WDFY2: variants seen among roughly 807,000 people sequenced by gnomAD.
WDFY2 encodes the protein WD repeat and FYVE domain containing 2, also known as WD repeat and FYVE domain-containing protein 2.
Under a neutral mutation model 56.4 loss-of-function variants are expected in WDFY2, and 36 were observed. That is an observed-to-expected ratio of 0.64 (90% CI 0.49 to 0.84). The LOEUF is 0.84. Ranked by LOEUF, WDFY2 falls within the 40% of genes least tolerant of loss-of-function variation. WDFY2 has a pLI of 0.00. For synonymous variants in WDFY2, 176 were observed against 183.7 expected, an observed-to-expected ratio of 0.96 and a Z score of 0.34; for missense variants, 444 against 512.2, an observed-to-expected ratio of 0.87 and a Z score of 1.29.
In WDFY2 at chr13:51,750,234, T is replaced by A. The variant is rs561968479; in HGVS notation, c.726-1076T>A. Reference sequence around the variant, plus strand: ...TGTGATTTTAGGAGGATTCAACTTATAAAAGCACTTGTTTATCAAACAATC... The same window carrying A: ...TGTGATTTTAGGAGGATTCAACTTAAAAAAGCACTTGTTTATCAAACAATC... On this transcript the variant is annotated intron_variant, in intron 7 of 11. Transcript: ENST00000298125. Among the ~76,000 whole-genome samples the A allele has an allele frequency of 1.1e-3, 175 of 152,340 alleles. 1 individual carries two copies. The highest frequency in any genetic ancestry group is 1.8e-3 in the Non-Finnish European group (120 of 68,022).
intron 10 of WDFY2, among the ~76,000 whole-genome samples, chr13:51,757,218 T>G (rs983671812): frequency 1.3e-5 from 2 of 152,208 alleles, no homozygotes; most frequent in Non-Finnish European, 2.9e-5. Flanking sequence ...AGTATGCATT[T>G]ATGTTCATTG....
At chr13:51,746,246 C>G (rs1953101767) in intron 7 of WDFY2, among the ~76,000 whole-genome samples, 1 of 152,154 alleles carries the variant, frequency 6.6e-6, no homozygotes, top group Non-Finnish European at 1.5e-5. Context: ...CACTGCTGAA[C>G]TGGACTTTTC....
chr13:51,599,907 AC>A (rs1056232905), intron 1 of WDFY2, among the ~76,000 whole-genome samples: 43 of 151,928 alleles, frequency 2.8e-4, no homozygotes, highest in Middle Eastern at 3.4e-3. Flanking sequence ...AAAAAAAAAA[AC>A]AAAACAAAAA....
chr13:51,755,754 A>T (rs757381686), intron 9 of WDFY2, among the ~76,000 whole-genome samples: 4 of 152,170 alleles, frequency 2.6e-5, no homozygotes, highest in Non-Finnish European at 5.9e-5. Flanking sequence ...TCGTATGGAA[A>T]CCAGACCATG....
intron 3 of WDFY2, among the ~76,000 whole-genome samples, chr13:51,679,121 T>A (rs1299444349): frequency 3.3e-5 from 5 of 152,154 alleles, no homozygotes; most frequent in Non-Finnish European, 7.4e-5. Context: ...GTAAGCATTA[T>A]GTAACGTAAA....
chr13:51,623,976 G>A (rs1044311426), intron 1 of WDFY2, among the ~76,000 whole-genome samples: 2 of 152,072 alleles, frequency 1.3e-5, no homozygotes, highest in Non-Finnish European at 2.9e-5. Context: ...AACTAGCCGT[G>A]TTCCCAGTTT....
In WDFY2 at chr13:51,584,592, GTC is replaced by G. The variant is rs1057434381; in HGVS notation, c.-92_-91del. ...CGGCGTTCCGCTCCGGCCAGCCAGA[GTC>G]TCTGTCTCAACCTGTGTCCGTGCTC... On this transcript the variant is annotated 5_prime_UTR_variant, in exon 1 of 12. Coordinates refer to ENST00000298125, the MANE Select transcript of WDFY2 (RefSeq NM_052950.4). 2.7e-5 allele frequency: 39 copies of G among 1,449,600 alleles called. No individual in the cohort carries two copies. The highest frequency in any genetic ancestry group is 2.5e-4 in the Middle Eastern group (1 of 3,976). The allele number at this position is 1,449,600 out of a possible 1,614,324, so 89.8% of individuals were successfully genotyped here.
chr13:51,756,172 A>G (rs769284119), intron 9 of WDFY2, among the ~76,000 whole-genome samples, 160 bp from the exon 10 acceptor site: 1 of 152,188 alleles, frequency 6.6e-6, no homozygotes, highest in Non-Finnish European at 1.5e-5. Flanking sequence ...GCCCCAGAGA[A>G]GAACACATCC....
chr13:51,746,509 A>G (rs1025740067), intron 7 of WDFY2, among the ~76,000 whole-genome samples: 2 of 152,210 alleles, frequency 1.3e-5, no homozygotes, highest in South Asian at 2.1e-4. Context: ...ATCTGATTCA[A>G]TGAGCATCAT....
intron 1 of WDFY2, among the ~76,000 whole-genome samples, chr13:51,603,259 A>G (rs1954321330): frequency 6.6e-6 from 1 of 152,168 alleles, no homozygotes; most frequent in Admixed American, 6.5e-5. Context: ...GAGCCCAACC[A>G]CTGCATGTTT....
Position 51,727,666 on chromosome 13 carries a change from C to T in WDFY2, c.486-12C>T. 6.2e-7 allele frequency: 1 copy of T among 1,609,014 alleles called. No individual in the cohort carries two copies. Among genetic ancestry groups the T allele is most frequent in the Non-Finnish European group, 8.5e-7 (1 of 1,177,450 alleles). ...TAATTTTGAGAAACAATCCTTAATG[C>T]TTTCATGACAGATTTGATGTTGAAA... On this transcript the variant is annotated splice_polypyrimidine_tract_variant and intron_variant, in intron 5 of 11. Transcript: ENST00000298125.
chr13:51,614,397 T>A (rs1025033169), intron 1 of WDFY2, among the ~76,000 whole-genome samples: 6 of 152,222 alleles, frequency 3.9e-5, no homozygotes, highest in African/African-American at 1.2e-4. Flanking sequence ...TCACAATGTC[T>A]TAAACAAGTA....
At chr13:51,586,949 A>G (rs903851672) in intron 1 of WDFY2, 1 of 152,190 alleles carries the variant, frequency 6.6e-6, no homozygotes, top group Non-Finnish European at 1.5e-5. Context: ...CATTAAAATA[A>G]TTGATCTATA....
intron 2 of WDFY2, among the ~76,000 whole-genome samples, chr13:51,663,870 A>G (rs1955656714): frequency 6.6e-6 from 1 of 152,376 alleles, no homozygotes; most frequent in South Asian, 2.1e-4. Flanking sequence ...TGTTTATTCT[A>G]CTACATAATA....
At chr13:51,593,390 A>C (rs1162521769) in intron 1 of WDFY2, among the ~76,000 whole-genome samples, 1 of 152,172 alleles carries the variant, frequency 6.6e-6, no homozygotes, top group Non-Finnish European at 1.5e-5. Context: ...ATTGTTATAC[A>C]TATAGGTGTC....
intron 1 of WDFY2, among the ~76,000 whole-genome samples, chr13:51,619,938 C>T (rs181062708): frequency 2.0e-5 from 3 of 152,296 alleles, no homozygotes; most frequent in Admixed American, 6.5e-5. Context: ...TTATTGTTCC[C>T]TATGTATGGA....
At position 51,631,391 on chromosome 13, in the gene WDFY2, T is replaced by TA. The variant is rs374903152; in HGVS notation, c.138-29187dup. On this transcript the variant is annotated intron_variant, in intron 1 of 11. Coordinates refer to ENST00000298125, the MANE Select transcript of WDFY2 (RefSeq NM_052950.4). Reference sequence around the variant, plus strand: ...GGGAGATGAAGCAAGATCCTGTCTCTAAAAAAAAAAAAAAAAAATTTAAAA... The same window carrying TA: ...GGGAGATGAAGCAAGATCCTGTCTCTAAAAAAAAAAAAAAAAAAATTTAAAA... Among the ~76,000 whole-genome samples, 391 of 123,072 alleles carry TA rather than the reference T, an allele frequency of 3.2e-3. 2 individuals carry two copies. Among genetic ancestry groups the TA allele is most frequent in the South Asian group, 8.4e-3 (32 of 3,794 alleles). 80.7% of individuals were successfully genotyped at this position (123,072 alleles called of 152,430 possible). A position where few individuals can be genotyped will look rare whatever the true frequency, so the allele number is the denominator to read the frequency against.
chr13:51,597,396 A>T (rs1049918234), intron 1 of WDFY2, among the ~76,000 whole-genome samples: 1 of 152,230 alleles, frequency 6.6e-6, no homozygotes, highest in Non-Finnish European at 1.5e-5. Flanking sequence ...TTAAGCCTGA[A>T]GGACTGAACT....
intron 4 of WDFY2, among the ~76,000 whole-genome samples, chr13:51,717,168 C>G (rs1358938857): frequency 2.0e-5 from 3 of 152,164 alleles, no homozygotes. Flanking sequence ...AGCCAGACAT[C>G]AAACCCATGT....
Sources: allele counts gnomAD v4.1 joint callset (sites outside exome capture counted in the v4.1 genomes callset), GRCh38; gene constraint gnomAD v4.1.1; transcripts MANE v1.5; gene names NCBI Gene and HGNC (gene_info 2026-07-23, HGNC 2026-07-21).